The following KRR1 variants were observed in gnomAD, a reference collection of about 807,000 sequenced individuals.
The protein encoded by KRR1 is KRR1 small subunit processome component, also known as KRR1 small subunit processome component homolog.
In KRR1, 23 loss-of-function variants were observed where a neutral mutation model predicts 50.0. The observed-to-expected ratio is 0.46, with a 90% CI of 0.33 to 0.65. KRR1 has a LOEUF of 0.65. Among genes scored for constraint, KRR1 ranks in the 30% least tolerant of loss-of-function variants. The probability of loss-of-function intolerance (pLI) is 0.02; values close to 1 mark genes in which losing one functional copy is unlikely to be tolerated. For missense variants in KRR1, 419 were observed against 442.4 expected (o/e 0.95, Z 0.47); for synonymous variants, 133 against 146.3 (o/e 0.91, Z 0.66).
chr12:75,492,027 TAAAGA>T lies in KRR1; in HGVS notation c.*7777_*7781del, dbSNP rs1158711882. 1 of 148,768 alleles carries T rather than the reference TAAAGA, an allele frequency of 6.7e-6. No individual in the cohort carries two copies. Among genetic ancestry groups the T allele is most frequent in the Non-Finnish European group, 1.5e-5 (1 of 67,152 alleles). The allele number at this position is 148,768 out of a possible 1,614,324, so 9.2% of individuals were successfully genotyped here. A position where few individuals can be genotyped will look rare whatever the true frequency, so the allele number is the denominator to read the frequency against. On this transcript the variant is annotated 3_prime_UTR_variant, in exon 10 of 10. Transcript: ENST00000229214. The stretch of plus-strand genomic sequence containing the variant: ...ACTTAATATCTTAAGAGTTGGAAAA[TAAAGA>T]AAACCCAGAAAAAACTAGACAAAGC...
rs772844048 is a variant in KRR1, at chr12:75,508,249, A to T, written c.258+25T>A. On this transcript the variant is annotated intron_variant, in intron 2 of 9. Coordinates refer to ENST00000229214, the MANE Select transcript of KRR1 (RefSeq NM_007043.7). Reference sequence around the variant, plus strand: ...TAAGCAAGAGCAAAGTCTCAAATAAATGTATTGATATAAGATACACATACA... The same window carrying T: ...TAAGCAAGAGCAAAGTCTCAAATAATTGTATTGATATAAGATACACATACA... The T allele has an allele frequency of 1.9e-6, 3 of 1,540,756 alleles. No individual in the cohort carries two copies. In the East Asian group the frequency reaches 7.1e-5, roughly 36 times the overall value.
At chr12:75,502,279 A>T in intron 7 of KRR1, 1 of 279,788 alleles carries the variant, frequency 3.6e-6, no homozygotes, top group Non-Finnish European at 6.7e-6. Flanking sequence ...AACTGGAGAG[A>T]GAGTTTTGGG....
chr12:75,496,024 GAC>G lies in KRR1; in HGVS notation c.*3783_*3784del, dbSNP rs1279898022. On this transcript the variant is annotated 3_prime_UTR_variant, in exon 10 of 10. Transcript: ENST00000229214. ...TTTTTTTTTTGTTTTTTTTTTTTGA[GAC>G]AGAGTCTTGCTCTGTCACCCATGCT... 1.2e-4 allele frequency: 16 copies of G among 130,708 alleles called. No individual in the cohort carries two copies. Among genetic ancestry groups the G allele is most frequent in the African/African-American group, 4.7e-4 (14 of 29,952 alleles). The allele number at this position is 130,708 out of a possible 1,614,324, so 8.1% of individuals were successfully genotyped here. A position where few individuals can be genotyped will look rare whatever the true frequency, so the allele number is the denominator to read the frequency against.
At chr12:75,508,782 C>A (rs1244696964) in intron 1 of KRR1, among the ~76,000 whole-genome samples, 1 of 152,178 alleles carries the variant, frequency 6.6e-6, no homozygotes, top group Non-Finnish European at 1.5e-5. Flanking sequence ...CTGCACTACA[C>A]TATCATAAAA....
At position 75,501,737 on chromosome 12, in the gene KRR1, A is replaced by G. The variant is rs753534788; in HGVS notation, c.989T>C (p.Val330Ala). ...GAAAGCATTACCTTCCTTAGGTTTCACAATTGGTTTTTCCTTAGGTGGAAT... is the reference window on the plus strand; with the variant it reads ...GAAAGCATTACCTTCCTTAGGTTTCGCAATTGGTTTTTCCTTAGGTGGAAT... ...AFIPPKEKPI[V>A]KPKEASTETK... The change falls in exon 9 of 10, where the codon GTG (valine) becomes GCG (alanine). Residue 330 changes from valine to alanine, a missense_variant. Physicochemically the swap from Val to Ala is moderately conservative, Grantham distance 64 (BLOSUM62 0). Coordinates refer to ENST00000229214, the MANE Select transcript of KRR1 (RefSeq NM_007043.7). 2 of 1,606,092 alleles carry G rather than the reference A, an allele frequency of 1.2e-6. No homozygotes were observed. Among genetic ancestry groups the G allele is most frequent in the East Asian group, 2.2e-5 (1 of 44,724 alleles).
chr12:75,511,327 C>G (rs983142077), intron 1 of KRR1, among the ~76,000 whole-genome samples, 186 bp downstream of exon 1: 2 of 152,184 alleles, frequency 1.3e-5, no homozygotes, highest in Non-Finnish European at 2.9e-5. Flanking sequence ...ATTAGGAACA[C>G]CTGGGTGGCA....
intron 7 of KRR1, 29 bp from the exon 8 acceptor site, chr12:75,502,029 C>T (rs1392455448): frequency 1.9e-6 from 3 of 1,563,556 alleles, no homozygotes; most frequent in Admixed American, 1.7e-5. Context: ...ACAATTACAT[C>T]AGAAATAATG....
In KRR1 at chr12:75,491,481, G is replaced by GT. The variant is rs1255566135; in HGVS notation, c.*8327dup. On this transcript the variant is annotated 3_prime_UTR_variant, in exon 10 of 10. Transcript: ENST00000229214. ...ATATATGATGAACAACCTCATATAT[G>GT]TATCTTCAGTCACTTCTATTTCCCT... 2.6e-5 allele frequency: 4 copies of GT among 152,260 alleles called. No individual in the cohort carries two copies. Among genetic ancestry groups the GT allele is most frequent in the Admixed American group, 6.5e-5 (1 of 15,302 alleles). The allele number at this position is 152,260 out of a possible 1,614,324, so 9.4% of individuals were successfully genotyped here.
chr12:75,498,850 T>C lies in KRR1; in HGVS notation c.*959A>G, dbSNP rs1321396827. ...TTACTACTCTGTTGTATATCCAGGC[T>C]GGCCCATATATCCACGTAACAGATA... On this transcript the variant is annotated 3_prime_UTR_variant, in exon 10 of 10. Transcript: ENST00000229214. The C allele has an allele frequency of 6.2e-7, 1 of 1,612,512 alleles. No individual in the cohort carries two copies. Among genetic ancestry groups the C allele is most frequent in the South Asian group, 1.1e-5 (1 of 90,982 alleles).
rs2046327004 is a variant in KRR1 at position 75,492,088 on chromosome 12, C to CA, written c.*7720_*7721insT. 1 of 140,590 alleles carries CA rather than the reference C, an allele frequency of 7.1e-6. No individual in the cohort carries two copies. 8.7% of individuals were successfully genotyped at this position (140,590 alleles called of 1,614,324 possible). A position where few individuals can be genotyped will look rare whatever the true frequency, so the allele number is the denominator to read the frequency against. On this transcript the variant is annotated 3_prime_UTR_variant, in exon 10 of 10. Transcript: ENST00000229214. Reference sequence around the variant, plus strand: ...TTCAGTTAGTGGTAACTTTTCATGACTTTTTTTTTTTTTTTTGAGACAGGG... The same window carrying CA: ...TTCAGTTAGTGGTAACTTTTCATGACATTTTTTTTTTTTTTTTGAGACAGGG...
chr12:75,508,313 T>G lies in KRR1; in HGVS notation c.219A>C (p.Lys73Asn). The change falls in exon 2 of 10, where the codon AAA becomes AAC. Residue 73 changes from lysine to asparagine, a missense_variant. By Grantham distance (94) the Lys-to-Asn change is moderately conservative (BLOSUM62 0). Transcript: ENST00000229214. The part of the protein sequence containing the change: ...LFPKYREAYL[K>N]ECWPLVQKAL... ...CTTTCTGCACCAATGGCCAACACTCTTTCAAGTAAGCTTCCCTGTATTTTG... is the reference window on the plus strand; with the variant it reads ...CTTTCTGCACCAATGGCCAACACTCGTTCAAGTAAGCTTCCCTGTATTTTG... 1.2e-6 allele frequency: 2 copies of G among 1,613,454 alleles called. No individual in the cohort carries two copies. The highest frequency in any genetic ancestry group is 2.2e-5 in the South Asian group (2 of 91,032).
At chr12:75,509,787 G>C (rs1384762734) in intron 1 of KRR1, among the ~76,000 whole-genome samples, 2 of 150,534 alleles carry the variant, frequency 1.3e-5, no homozygotes, top group Non-Finnish European at 3.0e-5. Flanking sequence ...TAGCGAAAGG[G>C]TTTTGCCATG....
At chr12:75,505,127 T>C in intron 6 of KRR1, 71 bp downstream of exon 6, 1 of 1,397,922 alleles carries the variant, frequency 7.2e-7, no homozygotes, top group South Asian at 1.3e-5. Flanking sequence ...AACATTTAAT[T>C]TCAAGAAAGG....
rs757605341 is a variant in KRR1, at chr12:75,506,544, A to G, written c.459T>C (p.Asn153=). 1 of 1,608,150 alleles carries G rather than the reference A, an allele frequency of 6.2e-7. No individual in the cohort carries two copies. The highest frequency in any genetic ancestry group is 1.1e-5 in the South Asian group (1 of 90,648). The change falls in exon 4 of 10, where the codon AAT becomes AAC. Residue 153 remains asparagine (N), a synonymous_variant. Coordinates refer to ENST00000229214, the MANE Select transcript of KRR1 (RefSeq NM_007043.7). The part of the protein sequence containing the change: ...DIIKIGSLVR[N]KERFVKRRQR... ...GTCTTCGTTTTACAAATCTCTCTTT[A>G]TTCCTTACTAAAGAACCTATTTTAA...
At position 75,496,776 on chromosome 12, in the gene KRR1, G is replaced by A. The variant is rs944300705; in HGVS notation, c.*3033C>T. 1.2e-4 allele frequency: 19 copies of A among 152,104 alleles called. No individual in the cohort carries two copies. Among genetic ancestry groups the A allele is most frequent in the African/African-American group, 4.3e-4 (18 of 41,422 alleles). 9.4% of individuals were successfully genotyped at this position (152,104 alleles called of 1,614,324 possible). On this transcript the variant is annotated 3_prime_UTR_variant, in exon 10 of 10. Coordinates refer to ENST00000229214, the MANE Select transcript of KRR1 (RefSeq NM_007043.7). ...TGTTCCATTGCTCATGTTTTATAAG[G>A]TCCCTTGCAGGCCTAAAATTATAAA...
In KRR1 at chr12:75,504,044, C is replaced by T. The variant is rs1363642515; in HGVS notation, c.691G>A (p.Asp231Asn). The change falls in exon 7 of 10, where the codon GAT becomes AAT. Residue 231 changes from aspartate to asparagine, a missense_variant. Physicochemically the swap from Asp to Asn is conservative, Grantham distance 23 (BLOSUM62 1). Coordinates refer to ENST00000229214, the MANE Select transcript of KRR1 (RefSeq NM_007043.7). ...SLMIKRELAK[D>N]SELRSQSWER... ...CAACTTTGTGATCGTAATTCAGAAT[C>T]TTTTGCCAACTCTCTCTTAATCATT... 1 of 1,611,656 alleles carries T rather than the reference C, an allele frequency of 6.2e-7. No homozygotes were observed.
At chr12:75,504,261 T>G (rs573812478) in intron 6 of KRR1, 187 bp from the exon 7 acceptor site, 1 of 375,994 alleles carries the variant, frequency 2.7e-6, no homozygotes, top group South Asian at 8.8e-5. Flanking sequence ...TAGAAAACCA[T>G]TAGAAATTTA....
At chr12:75,505,160 G>T in intron 6 of KRR1, 38 bp downstream of exon 6, 1 of 1,483,330 alleles carries the variant, frequency 6.7e-7, no homozygotes, top group South Asian at 1.2e-5. Flanking sequence ...AAAGAAGTAT[G>T]ATAATCACTG....
rs1176153571 is a variant in KRR1 at position 75,492,326 on chromosome 12, C to T, written c.*7483G>A. 2 of 152,262 alleles carry T rather than the reference C, an allele frequency of 1.3e-5. No homozygotes were observed. Among genetic ancestry groups the T allele is most frequent in the Non-Finnish European group, 2.9e-5 (2 of 68,084 alleles). The allele number at this position is 152,262 out of a possible 1,614,324, so 9.4% of individuals were successfully genotyped here. On this transcript the variant is annotated 3_prime_UTR_variant, in exon 10 of 10. Coordinates refer to ENST00000229214, the MANE Select transcript of KRR1 (RefSeq NM_007043.7). ...CCAACTCCTGGGCTAAAGTGATCCA[C>T]CTGCCTCAGCCTCCCAGAGTGCTGG...
Sources: allele counts gnomAD v4.1 joint callset (sites outside exome capture counted in the v4.1 genomes callset), GRCh38; gene constraint gnomAD v4.1.1; transcripts MANE v1.5; gene names NCBI Gene and HGNC (gene_info 2026-07-23, HGNC 2026-07-21).